Variants in MARCOL observed in about 807,000 individuals in gnomAD.
The protein encoded by MARCOL is MARCO-like protein.
rs1467699768 is a variant in MARCOL at position 148,238,664 on chromosome 5, A to G, written c.49+18A>G. 2.5e-6 allele frequency: 1 copy of G among 398,064 alleles called. No homozygotes were observed. The highest frequency in any genetic ancestry group is 4.4e-6 in the Non-Finnish European group (1 of 225,374). 24.7% of individuals were successfully genotyped at this position (398,064 alleles called of 1,614,324 possible). A position where few individuals can be genotyped will look rare whatever the true frequency, so the allele number is the denominator to read the frequency against. On this transcript the variant is annotated intron_variant, in intron 1 of 1. Coordinates refer to ENST00000638089, the MANE Select transcript of MARCOL (RefSeq NM_001363511.2). Reference sequence around the variant, plus strand: ...GTTCTCAGGTAAGAAAGTCACAGTCAATAGCTTTCCTTCCAAATCTCAAAG... The same window carrying G: ...GTTCTCAGGTAAGAAAGTCACAGTCGATAGCTTTCCTTCCAAATCTCAAAG...
At chr5:148,240,311 G>A (rs1295620977) in intron 1 of MARCOL, among the ~76,000 whole-genome samples, 2 of 151,840 alleles carry the variant, frequency 1.3e-5, no homozygotes, top group African/African-American at 4.8e-5. Context: ...ATTGTCCTTG[G>A]AGAAAACAAA....
chr5:148,239,669 T>G (rs1479108750), intron 1 of MARCOL, among the ~76,000 whole-genome samples: 1 of 151,710 alleles, frequency 6.6e-6, no homozygotes, highest in Non-Finnish European at 1.5e-5. Flanking sequence ...AGTTAAGAGA[T>G]AGAATTAGAG....
intron 1 of MARCOL, among the ~76,000 whole-genome samples, chr5:148,239,253 G>C (rs1755938390): frequency 6.6e-6 from 1 of 151,832 alleles, no homozygotes; most frequent in Admixed American, 6.6e-5. Context: ...GTGATTTTCA[G>C]ATATGTAAAT....
intron 1 of MARCOL, among the ~76,000 whole-genome samples, chr5:148,240,066 C>T (rs572619606): frequency 2.6e-4 from 40 of 151,864 alleles, no homozygotes; most frequent in African/African-American, 9.6e-4. Context: ...AAAATTCACC[C>T]TTAGTTTTTA....
Position 148,238,568 on chromosome 5 carries a change from A to G in MARCOL, c.-30A>G, listed in dbSNP as rs948611905. ...GCAGAGTTAGGCTTAACTCCACCCAACAGCCAAGTCTGAAACCACTGACGG... is the reference window on the plus strand; with the variant it reads ...GCAGAGTTAGGCTTAACTCCACCCAGCAGCCAAGTCTGAAACCACTGACGG... On this transcript the variant is annotated 5_prime_UTR_variant, in exon 1 of 2. Coordinates refer to ENST00000638089, the MANE Select transcript of MARCOL (RefSeq NM_001363511.2). The G allele has an allele frequency of 2.5e-6, 1 of 397,994 alleles. No homozygotes were observed. Among genetic ancestry groups the G allele is most frequent in the African/African-American group, 2.1e-5 (1 of 48,694 alleles). The allele number at this position is 397,994 out of a possible 1,614,324, so 24.7% of individuals were successfully genotyped here.
chr5:148,242,477 T>C lies in MARCOL; in HGVS notation c.81T>C (p.Val27=), dbSNP rs10477366. 338,562 of 398,050 alleles carry C rather than the reference T, an allele frequency of 0.85. 148,828 individuals are homozygous for C. The highest frequency in any genetic ancestry group is 0.93 in the Middle Eastern group (1,475 of 1,584). The allele number at this position is 398,050 out of a possible 1,614,324, so 24.7% of individuals were successfully genotyped here. ...CAACCCAGATTTCAAATACCAGTGT[T>C]TTCAAACTAGAAGAGAATCCAAAAC... ...ASSTQISNTS[V]FKLEENPKPA... is the part of the protein sequence containing the mutation. The change falls in exon 2 of 2, where the codon GTT becomes GTC. Residue 27 remains valine, a synonymous_variant. Transcript: ENST00000638089.
intron 1 of MARCOL, among the ~76,000 whole-genome samples, chr5:148,242,139 C>A (rs918329281): frequency 1.3e-5 from 2 of 152,022 alleles, no homozygotes; most frequent in African/African-American, 4.8e-5. Context: ...CATCAGAAAA[C>A]CATTTAAAGG....
chr5:148,239,552 A>G (rs1755941633), intron 1 of MARCOL, among the ~76,000 whole-genome samples: 1 of 151,990 alleles, frequency 6.6e-6, no homozygotes, highest in African/African-American at 2.4e-5. Flanking sequence ...TTGTTAAGAA[A>G]TATCAGTCTT....
At position 148,243,089 on chromosome 5, in the gene MARCOL, A is replaced by G. The variant is rs1377250712; in HGVS notation, c.693A>G (p.Pro231=). 2 of 399,560 alleles carry G rather than the reference A, an allele frequency of 5.0e-6. No individual in the cohort carries two copies. The highest frequency in any genetic ancestry group is 2.1e-5 in the African/African-American group (1 of 48,554). The allele number at this position is 399,560 out of a possible 1,614,324, so 24.8% of individuals were successfully genotyped here. Residue 231 remains proline, a synonymous_variant, in exon 2 of 2, where the codon CCA becomes CCG. Coordinates refer to ENST00000638089, the MANE Select transcript of MARCOL (RefSeq NM_001363511.2). The part of the protein sequence containing the change: ...NLGTSGQQEK[P]GSSSQQGKPG... ...GAACTTCTGGCCAACAGGAGAAGCCAGGATCTTCTAGCCAACAGGGGAAGC... is the reference window on the plus strand; with the variant it reads ...GAACTTCTGGCCAACAGGAGAAGCCGGGATCTTCTAGCCAACAGGGGAAGC...
intron 1 of MARCOL, 35 bp downstream of exon 1, chr5:148,238,681 A>G (rs1332630593): frequency 1.3e-5 from 5 of 397,888 alleles, no homozygotes; most frequent in African/African-American, 1.0e-4. Context: ...TTCCTTCCAA[A>G]TCTCAAAGGA....
intron 1 of MARCOL, among the ~76,000 whole-genome samples, chr5:148,240,766 G>A (rs1003068061): frequency 4.0e-5 from 6 of 151,660 alleles, no homozygotes; most frequent in Non-Finnish European, 7.4e-5. Flanking sequence ...ATCCATACAT[G>A]TACTCATCTC....
rs1339104956 is a variant in MARCOL at position 148,242,440 on chromosome 5, T to A, written c.50-6T>A. Reference sequence around the variant, plus strand: ...TCATTTTTTTCTGGTTGTGTTATTATTCCAGCATCTTCAACCCAGATTTCA... The same window carrying A: ...TCATTTTTTTCTGGTTGTGTTATTAATCCAGCATCTTCAACCCAGATTTCA... On this transcript the variant is annotated splice_polypyrimidine_tract_variant and splice_region_variant and intron_variant, in intron 1 of 1. Transcript: ENST00000638089. The A allele has an allele frequency of 2.5e-6, 1 of 398,018 alleles. No individual in the cohort carries two copies. The highest frequency in any genetic ancestry group is 2.1e-5 in the African/African-American group (1 of 48,592). 24.7% of individuals were successfully genotyped at this position (398,018 alleles called of 1,614,324 possible).
At chr5:148,241,761 C>T (rs1372795782) in intron 1 of MARCOL, among the ~76,000 whole-genome samples, 2 of 151,908 alleles carry the variant, frequency 1.3e-5, no homozygotes, top group Non-Finnish European at 2.9e-5. Flanking sequence ...AAGAAATAAT[C>T]GTGATATTTA....
At chr5:148,240,325 T>A (rs1227013561) in intron 1 of MARCOL, among the ~76,000 whole-genome samples, 1 of 151,836 alleles carries the variant, frequency 6.6e-6, no homozygotes, top group East Asian at 1.9e-4. Context: ...AAACAAAGAG[T>A]AGAACTCTGT....
intron 1 of MARCOL, among the ~76,000 whole-genome samples, chr5:148,241,688 T>C (rs1755967946): frequency 6.6e-6 from 1 of 152,072 alleles, no homozygotes; most frequent in African/African-American, 2.4e-5. Context: ...CAATTACATA[T>C]ATTTCATTAG....
At chr5:148,242,232 T>C (rs1755973973) in intron 1 of MARCOL, among the ~76,000 whole-genome samples, 1 of 152,098 alleles carries the variant, frequency 6.6e-6, no homozygotes, top group Non-Finnish European at 1.5e-5. Flanking sequence ...GATCCTCTAA[T>C]TTTTGAAAAC....
chr5:148,238,672 T>G (rs1755932125), intron 1 of MARCOL, 26 bp downstream of exon 1: 1 of 398,116 alleles, frequency 2.5e-6, no homozygotes. Context: ...TCAATAGCTT[T>G]CCTTCCAAAT....
chr5:148,242,215 T>C (rs1201642433), intron 1 of MARCOL, among the ~76,000 whole-genome samples: 1 of 152,114 alleles, frequency 6.6e-6, no homozygotes, highest in Non-Finnish European at 1.5e-5. Flanking sequence ...ATGGGGCAAG[T>C]TGGATTGATC....
rs1755976754 is a variant in MARCOL, at chr5:148,242,460, A to AT, written c.67dup (p.Ser23PhefsTer23). 2.5e-6 allele frequency: 1 copy of AT among 398,046 alleles called. No individual in the cohort carries two copies. Among genetic ancestry groups the AT allele is most frequent in the African/African-American group, 2.1e-5 (1 of 48,586 alleles). 24.7% of individuals were successfully genotyped at this position (398,046 alleles called of 1,614,324 possible). On this transcript the variant is annotated frameshift_variant, in exon 2 of 2. Coordinates refer to ENST00000638089, the MANE Select transcript of MARCOL (RefSeq NM_001363511.2). LOFTEE classifies it low-confidence loss of function (END_TRUNC). Reference sequence around the variant, plus strand: ...TATTATTCCAGCATCTTCAACCCAGATTTCAAATACCAGTGTTTTCAAACT... The same window carrying AT: ...TATTATTCCAGCATCTTCAACCCAGATTTTCAAATACCAGTGTTTTCAAACT...
Sources: gnomAD v4.1 joint callset for allele counts (sites outside exome capture counted in the v4.1 genomes callset) on GRCh38, gnomAD v4.1.1 for gene constraint, MANE v1.5 for transcripts, NCBI Gene and HGNC (gene_info 2026-07-23, HGNC 2026-07-21) for gene names.